MUC4: variants seen among roughly 807,000 people sequenced by gnomAD.
The protein encoded by MUC4 is mucin-4.
In MUC4, 202 loss-of-function variants were observed where a neutral mutation model predicts 257.9. The ratio of observed to expected loss-of-function variants is 0.78; its 90% CI spans 0.70 to 0.88. The LOEUF is 0.88. Ranked by LOEUF, MUC4 falls within the 40% of genes least tolerant of loss-of-function variation. MUC4 has a pLI of 0.00. For synonymous variants in MUC4, 2,351 were observed against 2,757.1 expected (o/e 0.85, Z 4.62); for missense variants, 5,976 against 6,513.7 (o/e 0.92, Z 2.84).
chr3:195,764,455 G>A (rs1335852908), intron 10 of MUC4, among the ~76,000 whole-genome samples: 1 of 152,188 alleles, frequency 6.6e-6, no homozygotes, highest in Non-Finnish European at 1.5e-5. Context: ...GGGCCACTGT[G>A]CAGCAGGGCG....
Position 195,780,418 on chromosome 3 carries a change from A to G in MUC4, c.11162T>C (p.Val3721Ala), listed in dbSNP as rs750725178. The stretch of plus-strand genomic sequence containing the variant: ...AAGAGGGGTGACGTGACCTGTAGAT[A>G]CTGAGGAAGTGCTGGTGACAGGAAG... ...TPLPVTSTSS[V>A]STGHVTPLHV... The change falls in exon 2 of 25, where the codon GTA becomes GCA. Residue 3721 changes from valine to alanine, a missense_variant. Physicochemically the swap from Val to Ala is moderately conservative, Grantham distance 64 (BLOSUM62 0). This residue lies in a region of MUC4 where 330 missense variants were observed against 262.0 expected (regional missense o/e 1.26). Transcript: ENST00000463781. 2.6e-4 allele frequency: 397 copies of G among 1,506,722 alleles called. 12 individuals carry two copies. The East Asian group carries it at 4.9e-3, about 19-fold the overall frequency. 93.3% of individuals were successfully genotyped at this position (1,506,722 alleles called of 1,614,324 possible). A position where few individuals can be genotyped will look rare whatever the true frequency, so the allele number is the denominator to read the frequency against.
At chr3:195,747,527 C>G in intron 24 of MUC4, 147 bp from the exon 25 acceptor site, 3 of 1,008,400 alleles carry the variant, frequency 3.0e-6, no homozygotes, top group South Asian at 3.2e-5. Flanking sequence ...TGAGGCCGTG[C>G]TGAAGTGAGA....
In MUC4 at chr3:195,764,980, A is replaced by G; in HGVS notation, c.13924+17T>C. 6.2e-7 allele frequency: 1 copy of G among 1,612,338 alleles called. No individual in the cohort carries two copies. Among genetic ancestry groups the G allele is most frequent in the Non-Finnish European group, 8.5e-7 (1 of 1,179,038 alleles). On this transcript the variant is annotated intron_variant, in intron 10 of 24. Transcript: ENST00000463781. ...ACTTGGCCGGGAAGGTGGGGTTGAG[A>G]TCACGGACTCACGCACCCAACTGCC...
intron 23 of MUC4, 137 bp downstream of exon 23, chr3:195,750,752 G>A: frequency 2.4e-6 from 2 of 818,964 alleles, no homozygotes; most frequent in Non-Finnish European, 3.8e-6. Context: ...AAAAGCAGCT[G>A]GACAAAATGT....
rs138444125 is a variant in MUC4 at position 195,750,936 on chromosome 3, A to G, written c.15824T>C (p.Val5275Ala). The G allele has an allele frequency of 6.2e-7, 1 of 1,613,926 alleles. No individual in the cohort carries two copies. The highest frequency in any genetic ancestry group is 8.5e-7 in the Non-Finnish European group (1 of 1,180,032). Residue 5275 changes from valine (V) to alanine (A), a missense_variant, in exon 23 of 25, where the codon GTG becomes GCG. Physicochemically the swap from Val to Ala is moderately conservative, Grantham distance 64. This residue lies in a region of MUC4 where 310 missense variants were observed against 242.1 expected (regional missense o/e 1.28). Transcript: ENST00000463781. ...PRRSEEPRND[V>A]VFQPISGEDV... Reference sequence around the variant, plus strand: ...TTCCCCGGAGATGGGCTGGAAGACCACGTCGTTCCTGGGCTCCTCACTCCT... The same window carrying G: ...TTCCCCGGAGATGGGCTGGAAGACCGCGTCGTTCCTGGGCTCCTCACTCCT...
chr3:195,770,080 T>A, intron 6 of MUC4, 136 bp downstream of exon 6: 1 of 770,514 alleles, frequency 1.3e-6, no homozygotes, highest in African/African-American at 3.3e-5. Flanking sequence ...AGTGGGGGGG[T>A]GGCGGTGGGG....
intron 1 of MUC4, among the ~76,000 whole-genome samples, chr3:195,795,930 G>A (rs1683268073): frequency 6.7e-6 from 1 of 150,164 alleles, no homozygotes; most frequent in Non-Finnish European, 1.5e-5. Flanking sequence ...CATAACTTCA[G>A]AAAAAAAATT....
Position 195,784,266 on chromosome 3 carries a change from A to C in MUC4, c.7314T>G (p.Val2438=). 1 of 1,391,814 alleles carries C rather than the reference A, an allele frequency of 7.2e-7. No homozygotes were observed. The highest frequency in any genetic ancestry group is 9.8e-7 in the Non-Finnish European group (1 of 1,021,812). The allele number at this position is 1,391,814 out of a possible 1,614,324, so 86.2% of individuals were successfully genotyped here. Residue 2438 remains valine (V), a synonymous_variant, in exon 2 of 25, where the codon GTT becomes GTG. Transcript: ENST00000463781. The stretch of plus-strand genomic sequence containing the variant: ...TGGCATGACCTGTGGATGCCGAGGA[A>C]ACGTTGGTGACAGGAAGACGGGTGG... The part of the protein sequence containing the change: ...GDTTRLPVTN[V]SSASTGHATP...
chr3:195,761,015 G>A lies in MUC4; in HGVS notation c.14717C>T (p.Ala4906Val), dbSNP rs527732823. The A allele has an allele frequency of 1.2e-5, 19 of 1,614,206 alleles. No individual in the cohort carries two copies. Among genetic ancestry groups the A allele is most frequent in the Non-Finnish European group, 1.6e-5 (19 of 1,180,014 alleles). ...YSQLQKNSSW[A>V]EHLISNCDGD... ...GTCACAGTTGGAGATCAAATGTTCAGCCCAGGAGCTGTTTTTTTGCAGTTG... is the reference window on the plus strand; with the variant it reads ...GTCACAGTTGGAGATCAAATGTTCAACCCAGGAGCTGTTTTTTTGCAGTTG... The change falls in exon 16 of 25, where the codon GCT becomes GTT. Residue 4906 changes from alanine (A) to valine (V), a missense_variant. Ala to Val is a moderately conservative substitution (Grantham distance 64). Coordinates refer to ENST00000463781, the MANE Select transcript of MUC4 (RefSeq NM_018406.7).
chr3:195,754,126 G>A, intron 19 of MUC4, 87 bp downstream of exon 19: 1 of 1,459,996 alleles, frequency 6.8e-7, no homozygotes, highest in Non-Finnish European at 9.2e-7. Context: ...GGAAAAAGGA[G>A]AGAAATGGTT....
chr3:195,760,824 G>C, intron 16 of MUC4, 60 bp downstream of exon 16: 1 of 1,393,714 alleles, frequency 7.2e-7, no homozygotes, highest in Non-Finnish European at 1.0e-6. Flanking sequence ...GGTCAGGCAA[G>C]GGCAGCTCCT....
chr3:195,757,707 C>A lies in MUC4; in HGVS notation c.14987-379G>T, dbSNP rs374409962. On this transcript the variant is annotated intron_variant, in intron 17 of 24. Transcript: ENST00000463781. The surrounding 1 kb of genome is among the most constrained non-coding windows in gnomAD (Gnocchi z 4.8). ...GCTGCGCTGCCGGCCAAACTGGCTTCACTCTCACGGCAGCCCCATCCTTTG... is the reference window on the plus strand; with the variant it reads ...GCTGCGCTGCCGGCCAAACTGGCTTAACTCTCACGGCAGCCCCATCCTTTG... Among the ~76,000 whole-genome samples, 200 of 152,296 alleles carry A rather than the reference C, an allele frequency of 1.3e-3. No homozygotes were observed. Among genetic ancestry groups the A allele is most frequent in the African/African-American group, 4.7e-3 (196 of 41,564 alleles).
chr3:195,767,712 C>CATCACCAT (rs1560263864), intron 7 of MUC4, among the ~76,000 whole-genome samples: 7 of 2,854 alleles, frequency 2.5e-3, no homozygotes, highest in African/African-American at 8.3e-3. Context: ...ATACCACCAT[C>CATCACCAT]GGCCACCACC....
At chr3:195,767,961 C>CCACCACCAT in intron 7 of MUC4, among the ~76,000 whole-genome samples, 1 of 151,606 alleles carries the variant, frequency 6.6e-6, no homozygotes, top group East Asian at 1.9e-4. Flanking sequence ...ACCACCACCA[C>CCACCACCAT]CACCACTATC....
At chr3:195,752,055 T>A (rs960066434) in intron 21 of MUC4, 7 of 370,286 alleles carry the variant, frequency 1.9e-5, no homozygotes, top group Admixed American at 7.9e-5. Context: ...GAGCCGCCCG[T>A]TCCCTCTGGG....
chr3:195,767,835 C>CCACCAT (rs1207941159), intron 7 of MUC4, among the ~76,000 whole-genome samples: 1 of 114,874 alleles, frequency 8.7e-6, no homozygotes, highest in Non-Finnish European at 2.0e-5. Flanking sequence ...ACCACCATCA[C>CCACCAT]CACCACCACC....
At chr3:195,808,377 G>A (rs1489846295) in intron 1 of MUC4, among the ~76,000 whole-genome samples, 2 of 151,988 alleles carry the variant, frequency 1.3e-5, no homozygotes, top group Non-Finnish European at 1.5e-5. Context: ...CACCACGCCC[G>A]GCAAAATTTT....
rs1372840566 is a variant in MUC4 at position 195,789,688 on chromosome 3, G to A, written c.1892C>T (p.Ser631Leu). ...GTGACCCCTTTGGGAAACAGCTGGT[G>A]ATTCCTGAGGAGAGGTGCTTGTGGA... ...IHSTSTSPQE[S>L]PAVSQRGHTQ... The change falls in exon 2 of 25, where the codon TCA becomes TTA. Residue 631 changes from serine to leucine, a missense_variant. Ser to Leu is a moderately radical substitution (Grantham distance 145). Coordinates refer to ENST00000463781, the MANE Select transcript of MUC4 (RefSeq NM_018406.7). 3.1e-6 allele frequency: 5 copies of A among 1,613,900 alleles called. No individual in the cohort carries two copies. Among genetic ancestry groups the A allele is most frequent in the Non-Finnish European group, 4.2e-6 (5 of 1,179,910 alleles).
At chr3:195,798,697 C>T (rs894739263) in intron 1 of MUC4, among the ~76,000 whole-genome samples, 1 of 151,790 alleles carries the variant, frequency 6.6e-6, no homozygotes, top group Non-Finnish European at 1.5e-5. Context: ...GAGTGAGACT[C>T]CGTCTCAAAA....
Sources: allele counts gnomAD v4.1 joint callset (sites outside exome capture counted in the v4.1 genomes callset), GRCh38; gene constraint gnomAD v4.1.1; regional missense constraint gnomAD v4.1.1; non-coding constraint Gnocchi (gnomAD v3.1); transcripts MANE v1.5; gene names NCBI Gene and HGNC (gene_info 2026-07-23, HGNC 2026-07-21).